Variants in SEMA3E observed in about 807,000 individuals in gnomAD.
SEMA3E encodes semaphorin 3E.
A neutral mutation model predicts 93.6 loss-of-function variants in SEMA3E; 49 were observed. That is an observed-to-expected ratio of 0.52 (90% confidence interval 0.42 to 0.66). The LOEUF (loss-of-function observed/expected upper bound fraction) is 0.66. Among genes scored for constraint, SEMA3E ranks in the 30% least tolerant of loss-of-function variants. The probability of loss-of-function intolerance (pLI) is 0.00; values close to 1 mark genes in which losing one functional copy is unlikely to be tolerated. For synonymous variants in SEMA3E, 363 were observed against 330.7 expected (o/e 1.10, Z -1.06); for missense variants, 906 against 964.8 (o/e 0.94, Z 0.81).
intron 4 of SEMA3E, among the ~76,000 whole-genome samples, chr7:83,444,673 A>T (rs1001511924): frequency 5.6e-5 from 8 of 142,306 alleles, no homozygotes; most frequent in South Asian, 2.2e-4. Context: ...AATATTCAGC[A>T]TTTTTTTTTT....
rs76672943 is a variant in SEMA3E at position 83,429,338 on chromosome 7, G to C, written c.457-10855C>G. ...TGTGTATCCTCTAATTATTACGTCA[G>C]GATTCCATTCTCTTCCTCACCCTAA... On this transcript the variant is annotated intron_variant, in intron 4 of 16. Coordinates refer to ENST00000643230, the MANE Select transcript of SEMA3E (RefSeq NM_012431.3). 1.6e-3 allele frequency among the ~76,000 whole-genome samples: 249 copies of C among 152,104 alleles called. 5 individuals are homozygous for C. The East Asian group carries it at 0.037, about 23-fold the overall frequency.
At chr7:83,606,775 A>G (rs12670343) in intron 1 of SEMA3E, among the ~76,000 whole-genome samples, 1 of 104,980 alleles carries the variant, frequency 9.5e-6, no homozygotes, top group Non-Finnish European at 2.2e-5. Flanking sequence ...AAAAAAAAAA[A>G]TTAAAAAAAA....
chr7:83,549,303 C>A (rs1449698622), intron 1 of SEMA3E, among the ~76,000 whole-genome samples: 2 of 152,084 alleles, frequency 1.3e-5, no homozygotes, highest in Non-Finnish European at 2.9e-5. Context: ...ACAACTTTTA[C>A]ATATCATAAA....
intron 1 of SEMA3E, among the ~76,000 whole-genome samples, chr7:83,512,679 A>T (rs1198325991): frequency 6.6e-6 from 1 of 152,156 alleles, no homozygotes; most frequent in Admixed American, 6.6e-5. Flanking sequence ...AATTATACTA[A>T]ATCAGGTAAA....
intron 2 of SEMA3E, among the ~76,000 whole-genome samples, chr7:83,477,435 A>C (rs1584275456): frequency 6.6e-6 from 1 of 152,136 alleles, no homozygotes; most frequent in African/African-American, 2.4e-5. Context: ...AATAGAACAC[A>C]TTAAAATAGT....
intron 2 of SEMA3E, among the ~76,000 whole-genome samples, chr7:83,470,418 A>T (rs973973303): frequency 1.3e-5 from 2 of 152,028 alleles, no homozygotes; most frequent in African/African-American, 4.8e-5. Flanking sequence ...AATTGATTGT[A>T]CTATGTGCCA....
chr7:83,542,720 C>T lies in SEMA3E; in HGVS notation c.116-52446G>A, dbSNP rs887187480. 4.6e-5 allele frequency among the ~76,000 whole-genome samples: 7 copies of T among 152,076 alleles called. No homozygotes were observed. The South Asian group carries it at 1.0e-3, about 22-fold the overall frequency. ...AGATTGTGTTCTTCCCTTTTCCTTC[C>T]AGTTACTTGGTCTTATAATCAGCTA... On this transcript the variant is annotated intron_variant, in intron 1 of 16. Coordinates refer to ENST00000643230, the MANE Select transcript of SEMA3E (RefSeq NM_012431.3).
At chr7:83,485,172 C>T (rs1012365545) in intron 2 of SEMA3E, among the ~76,000 whole-genome samples, 5 of 152,154 alleles carry the variant, frequency 3.3e-5, no homozygotes, top group Admixed American at 3.3e-4. Context: ...TACTGGAAAC[C>T]ACCCAAATGT....
At chr7:83,479,527 A>G (rs993266858) in intron 2 of SEMA3E, among the ~76,000 whole-genome samples, 1 of 152,250 alleles carries the variant, frequency 6.6e-6, no homozygotes, top group Non-Finnish European at 1.5e-5. Context: ...CTATGGTAGC[A>G]CATTAGAATC....
Position 83,402,758 on chromosome 7 carries a change from A to G in SEMA3E, c.1017T>C (p.His339=), listed in dbSNP as rs746431820. The part of the protein sequence containing the change: ...FNTTSNIFRG[H]AICVYHMSSI... Reference sequence around the variant, plus strand: ...TAGACATGTGATAGACACATATAGCATGCCCTCGAAAAATATTACTGAAAA... The same window carrying G: ...TAGACATGTGATAGACACATATAGCGTGCCCTCGAAAAATATTACTGAAAA... The change falls in exon 10 of 17, where the codon CAT becomes CAC. Residue 339 remains histidine (H), a synonymous_variant. Coordinates refer to ENST00000643230, the MANE Select transcript of SEMA3E (RefSeq NM_012431.3). 6.2e-7 allele frequency: 1 copy of G among 1,612,620 alleles called. No individual in the cohort carries two copies.
intron 4 of SEMA3E, among the ~76,000 whole-genome samples, chr7:83,452,939 T>C (rs76370320): frequency 0.028 from 4,279 of 152,256 alleles, 73 homozygotes; most frequent in Middle Eastern, 0.044. Flanking sequence ...GAAGAAACAA[T>C]GTAGAAAATG....
At position 83,604,491 on chromosome 7, in the gene SEMA3E, GAC is replaced by G. The variant is rs1584358927; in HGVS notation, c.115+43935_115+43936del. On this transcript the variant is annotated intron_variant, in intron 1 of 16. Coordinates refer to ENST00000643230, the MANE Select transcript of SEMA3E (RefSeq NM_012431.3). ...AACAATTTTAAAAATGAAAAATTTT[GAC>G]ACATTTATGTGTGTGTACATATATA... 2.7e-5 allele frequency among the ~76,000 whole-genome samples: 4 copies of G among 147,188 alleles called. No individual in the cohort carries two copies. The East Asian group carries it at 8.0e-4, about 29-fold the overall frequency.
At chr7:83,380,464 A>T (rs1787754673) in intron 16 of SEMA3E, among the ~76,000 whole-genome samples, 2 of 151,880 alleles carry the variant, frequency 1.3e-5, no homozygotes, top group Non-Finnish European at 2.9e-5. Flanking sequence ...TCATTTTTGC[A>T]TCCTCATTTC....
At chr7:83,529,966 A>T (rs181171314) in intron 1 of SEMA3E, among the ~76,000 whole-genome samples, 206 of 152,254 alleles carry the variant, frequency 1.4e-3, no homozygotes, top group Middle Eastern at 3.4e-3. Context: ...TACATAAATT[A>T]TTAAATATAG....
chr7:83,413,247 A>G (rs556556834), intron 5 of SEMA3E, among the ~76,000 whole-genome samples: 31 of 152,246 alleles, frequency 2.0e-4, no homozygotes, highest in African/African-American at 7.0e-4. Flanking sequence ...GTTTTTATTT[A>G]CCATGTTGGA....
intron 1 of SEMA3E, among the ~76,000 whole-genome samples, chr7:83,511,786 T>C (rs1421984134): frequency 6.6e-6 from 1 of 152,002 alleles, no homozygotes; most frequent in African/African-American, 2.4e-5. Context: ...TCCCAGCTAC[T>C]TGGGAGGCTG....
chr7:83,556,724 C>T (rs1225622152), intron 1 of SEMA3E, among the ~76,000 whole-genome samples: 1 of 152,068 alleles, frequency 6.6e-6, no homozygotes, highest in Non-Finnish European at 1.5e-5. Context: ...TGTTTGTGTC[C>T]TCTCCAAAAC....
chr7:83,467,220 A>G (rs1789787081), intron 3 of SEMA3E, among the ~76,000 whole-genome samples: 1 of 152,068 alleles, frequency 6.6e-6, no homozygotes, highest in African/African-American at 2.4e-5. Flanking sequence ...ATGTGCCACC[A>G]TGCCCAGCTA....
chr7:83,566,841 T>A (rs1382522300), intron 1 of SEMA3E, among the ~76,000 whole-genome samples: 1 of 151,870 alleles, frequency 6.6e-6, no homozygotes, highest in Non-Finnish European at 1.5e-5. Context: ...CAAACCGCAA[T>A]GATAAGAAGA....
Sources: allele counts gnomAD v4.1 joint callset (sites outside exome capture counted in the v4.1 genomes callset), GRCh38; gene constraint gnomAD v4.1.1; transcripts MANE v1.5; gene names NCBI Gene and HGNC (gene_info 2026-07-23, HGNC 2026-07-21).